The following ATRAID variants were observed in gnomAD, a reference collection of about 807,000 sequenced individuals.
The protein encoded by ATRAID is all-trans retinoic acid induced differentiation factor.
A neutral mutation model predicts 28.8 loss-of-function variants in ATRAID; 26 were observed. That is an observed-to-expected ratio of 0.90 (90% CI 0.66 to 1.25). The LOEUF is 1.25. ATRAID is among the 50% of genes most tolerant of loss of function. ATRAID has a pLI of 0.00. For synonymous variants in ATRAID, 131 were observed against 108.5 expected (o/e 1.21, Z -1.29); for missense variants, 308 against 285.9 (o/e 1.08, Z -0.56).
chr2:27,215,483 A>T lies in ATRAID; in HGVS notation c.303A>T (p.Gln101His). The change falls in exon 4 of 7, where the codon CAA (glutamine) becomes CAT (histidine). Residue 101 changes from glutamine to histidine, a missense_variant. By Grantham distance (24) the Gln-to-His change is conservative. Coordinates refer to ENST00000380171, the MANE Select transcript of ATRAID (RefSeq NM_001170795.4). ...ATTGTGTACTTTGCAGAGACCTGCA[A>T]GCAAACCCCCTCAAAGGTGACTTGG... ...QAHTTVIIDL[Q>H]ANPLKGDLAN... 1 of 1,614,238 alleles carries T rather than the reference A, an allele frequency of 6.2e-7. No homozygotes were observed. The highest frequency in any genetic ancestry group is 1.1e-5 in the South Asian group (1 of 91,088).
At chr2:27,213,051 T>C in intron 1 of ATRAID, 126 bp from the exon 2 acceptor site, 1 of 1,215,094 alleles carries the variant, frequency 8.2e-7, no homozygotes, top group Non-Finnish European at 1.2e-6. Flanking sequence ...ACGAGCCGTT[T>C]ATCCATTTAT....
chr2:27,215,571 CAA>C, intron 4 of ATRAID, 26 bp downstream of exon 4: 9 of 1,614,174 alleles, frequency 5.6e-6, no homozygotes, highest in Non-Finnish European at 7.6e-6. Context: ...GGAAGAGAAT[CAA>C]AGAGGGATGA....
At chr2:27,213,486 C>A in intron 2 of ATRAID, 188 bp downstream of exon 2, 1 of 559,992 alleles carries the variant, frequency 1.8e-6, no homozygotes, top group Non-Finnish European at 2.8e-6. Flanking sequence ...CATACGGGTA[C>A]CTCTAGCTTC....
rs969606138 is a variant in ATRAID at position 27,212,089 on chromosome 2, G to C, written c.-280G>C. The stretch of plus-strand genomic sequence containing the variant: ...CGGCGTCCGGACGCGGGGAACACCG[G>C]GCTGAGGGAGTCTGCAGTCGGCTCC... On this transcript the variant is annotated 5_prime_UTR_variant, in exon 1 of 7. Transcript: ENST00000380171. 3.6e-6 allele frequency: 5 copies of C among 1,397,680 alleles called. No homozygotes were observed. The highest frequency in any genetic ancestry group is 4.8e-6 in the Non-Finnish European group (5 of 1,048,430). The allele number at this position is 1,397,680 out of a possible 1,614,324, so 86.6% of individuals were successfully genotyped here.
Position 27,216,492 on chromosome 2 carries a change from G to A in ATRAID, c.488-31G>A, listed in dbSNP as rs893757296. The A allele has an allele frequency of 7.4e-6, 11 of 1,478,654 alleles. No individual in the cohort carries two copies. In the African/African-American group the frequency reaches 1.4e-4, roughly 19 times the overall value. 91.6% of individuals were successfully genotyped at this position (1,478,654 alleles called of 1,614,324 possible). On this transcript the variant is annotated intron_variant, in intron 5 of 6. Transcript: ENST00000380171. Reference sequence around the variant, plus strand: ...AAATATGCCTAATGAAATGGATAAAGTGATGTTCTCTATTTCTCTCTGGCC... The same window carrying A: ...AAATATGCCTAATGAAATGGATAAAATGATGTTCTCTATTTCTCTCTGGCC...
rs1674666460 is a variant in ATRAID at position 27,213,067 on chromosome 2, C to T, written c.100-110C>T. On this transcript the variant is annotated intron_variant, in intron 1 of 6. Coordinates refer to ENST00000380171, the MANE Select transcript of ATRAID (RefSeq NM_001170795.4). ...CGAGCCGTTTATCCATTTATCGGCC[C>T]CGTGTTAGAGGAATTCTGGAAACGT... The T allele has an allele frequency of 5.8e-6, 8 of 1,381,718 alleles. No homozygotes were observed. In the South Asian group the frequency reaches 9.3e-5, roughly 16 times the overall value. The allele number at this position is 1,381,718 out of a possible 1,614,324, so 85.6% of individuals were successfully genotyped here.
chr2:27,212,316 G>C lies in ATRAID; in HGVS notation c.-53G>C. On this transcript the variant is annotated 5_prime_UTR_variant, in exon 1 of 7. Transcript: ENST00000380171. ...GGAAGAGGGCCTGACGCGCTGCGGG[G>C]CGGGGCCGCGGGGCCGGGTCGCGCG... 1 of 1,549,174 alleles carries C rather than the reference G, an allele frequency of 6.5e-7. No homozygotes were observed. Among genetic ancestry groups the C allele is most frequent in the Non-Finnish European group, 8.7e-7 (1 of 1,146,124 alleles).
rs1328204002 is a variant in ATRAID, at chr2:27,213,194, AG to A, written c.120del (p.Ser41AlafsTer18). 6.2e-7 allele frequency: 1 copy of A among 1,614,158 alleles called. No homozygotes were observed. Among genetic ancestry groups the A allele is most frequent in the Admixed American group, 1.7e-5 (1 of 60,020 alleles). ...ALPEICTQCPGSVQNLSKVAF... is the reference protein window; with the variant it reads ...ALPEICTQCPXSVQNLSKVAF... ...TTCTGCAGATATGCACCCAATGTCCAGGGAGCGTGCAAAATTTGTCAAAAGT... is the reference window on the plus strand; with the variant it reads ...TTCTGCAGATATGCACCCAATGTCCAGGAGCGTGCAAAATTTGTCAAAAGT... On this transcript the variant is annotated frameshift_variant, in exon 2 of 7. Coordinates refer to ENST00000380171, the MANE Select transcript of ATRAID (RefSeq NM_001170795.4). LOFTEE classifies it high-confidence loss of function.
chr2:27,214,965 A>C (rs1175013388), intron 2 of ATRAID, among the ~76,000 whole-genome samples: 1 of 152,130 alleles, frequency 6.6e-6, no homozygotes, highest in African/African-American at 2.4e-5. Flanking sequence ...TTTAGGTTAA[A>C]TTAATTTTCT....
chr2:27,213,272 C>T lies in ATRAID; in HGVS notation c.195C>T (p.Cys65=), dbSNP rs138578749. 23 of 1,614,008 alleles carry T rather than the reference C, an allele frequency of 1.4e-5. No homozygotes were observed. Among genetic ancestry groups the T allele is most frequent in the Non-Finnish European group, 1.9e-5 (23 of 1,180,004 alleles). Residue 65 remains cysteine (C), a synonymous_variant, in exon 2 of 7, where the codon TGC becomes TGT. Coordinates refer to ENST00000380171, the MANE Select transcript of ATRAID (RefSeq NM_001170795.4). Reference sequence around the variant, plus strand: ...AGCTAATGCTGCATGCCCGTTGCTGCCTGAATCAGAAGGGCACCATCTTGG... The same window carrying T: ...AGCTAATGCTGCATGCCCGTTGCTGTCTGAATCAGAAGGGCACCATCTTGG... ...TRELMLHARC[C]LNQKGTILGL...
chr2:27,216,456 A>T (rs989909722), intron 5 of ATRAID, 67 bp from the exon 6 acceptor site: 29 of 1,227,198 alleles, frequency 2.4e-5, no homozygotes, highest in Non-Finnish European at 3.4e-5. Flanking sequence ...AAGTTGAAAC[A>T]GATAATTGAG....
At chr2:27,215,300 T>C (rs1674777651) in intron 2 of ATRAID, 21 bp from the exon 3 acceptor site, 1 of 1,611,684 alleles carries the variant, frequency 6.2e-7, no homozygotes, top group African/African-American at 1.3e-5. Flanking sequence ...CACAGTTATA[T>C]TGATTACTTT....
downstream of ATRAID, chr2:27,217,166 TCTTTC>T: frequency 1.9e-6 from 1 of 529,434 alleles, no homozygotes. Context: ...TTTTTTCCTC[TCTTTC>T]TTTTTAAGGA....
At chr2:27,212,530 G>A (rs911844796) in intron 1 of ATRAID, 63 bp downstream of exon 1, 6 of 1,505,628 alleles carry the variant, frequency 4.0e-6, no homozygotes, top group Non-Finnish European at 5.3e-6. Context: ...CGTCGCGCTC[G>A]CCAGCGGCTC....
chr2:27,215,761 G>A lies in ATRAID; in HGVS notation c.487+8G>A, dbSNP rs1674799896. ...ATAACACTGGGGACCCAGGTATGCT[G>A]TCTTACCTCCAAACTTCTGGGAATT... On this transcript the variant is annotated splice_region_variant and intron_variant, in intron 5 of 6. Transcript: ENST00000380171. The A allele has an allele frequency of 6.2e-7, 1 of 1,612,452 alleles. No individual in the cohort carries two copies. The highest frequency in any genetic ancestry group is 1.3e-5 in the African/African-American group (1 of 74,938).
chr2:27,215,836 T>C (rs1357131995), intron 5 of ATRAID, 83 bp downstream of exon 5: 2 of 1,537,322 alleles, frequency 1.3e-6, no homozygotes, highest in Non-Finnish European at 1.8e-6. Flanking sequence ...ACAAAGTTGC[T>C]TAAGCGCCTT....
Position 27,215,398 on chromosome 2 carries a change from T to C in ATRAID, c.293+6T>C, listed in dbSNP as rs1674781990. ...GCACATACCACTGTCATCATGTAAG[T>C]AGTTAGGTACCTCCCACCCAAAAGG... is the stretch of plus-strand genomic sequence containing the variant. On this transcript the variant is annotated splice_donor_region_variant and intron_variant, in intron 3 of 6. Transcript: ENST00000380171. The C allele has an allele frequency of 1.2e-6, 2 of 1,614,024 alleles. No individual in the cohort carries two copies. Among genetic ancestry groups the C allele is most frequent in the Non-Finnish European group, 8.5e-7 (1 of 1,180,002 alleles).
intron 1 of ATRAID, 31 bp from the exon 2 acceptor site, chr2:27,213,146 T>C (rs1674671903): frequency 6.3e-7 from 1 of 1,596,616 alleles, no homozygotes; most frequent in South Asian, 1.1e-5. Context: ...CTTTTCTTTC[T>C]GGAGTTCTAA....
intron 2 of ATRAID, among the ~76,000 whole-genome samples, chr2:27,213,662 A>T (rs1674709335): frequency 6.6e-6 from 1 of 152,208 alleles, no homozygotes; most frequent in African/African-American, 2.4e-5. Context: ...TATATTTAGT[A>T]TTAAATTTTG....
Sources: allele counts gnomAD v4.1 joint callset (sites outside exome capture counted in the v4.1 genomes callset), GRCh38; gene constraint gnomAD v4.1.1; transcripts MANE v1.5; gene names NCBI Gene and HGNC (gene_info 2026-07-23, HGNC 2026-07-21).